Variants in IGF1 observed in about 807,000 individuals in gnomAD.
IGF1 encodes the protein insulin-like growth factor 1.
A neutral mutation model predicts 13.8 loss-of-function variants in IGF1; 4 were observed. The observed-to-expected ratio is 0.29, with a 90% CI of 0.14 to 0.66. The LOEUF (loss-of-function observed/expected upper bound fraction) is 0.66, where lower values mean the gene tolerates loss of function less well. IGF1 is among the 30% of genes least tolerant of loss of function. The pLI is 0.78. For missense variants in IGF1, 124 were observed against 188.5 expected, an observed-to-expected ratio of 0.66 and a Z score of 2.00; for synonymous variants, 76 against 72.6, an observed-to-expected ratio of 1.05 and a Z score of -0.23.
intron 1 of IGF1, among the ~76,000 whole-genome samples, chr12:102,479,279 G>C (rs929460583): frequency 6.6e-6 from 1 of 152,192 alleles, no homozygotes. Flanking sequence ...AGGGAAAGTC[G>C]TAGTGGTGAA....
chr12:102,462,989 T>A (rs1341783014), intron 2 of IGF1: 1 of 152,136 alleles, frequency 6.6e-6, no homozygotes, highest in Non-Finnish European at 1.5e-5. Context: ...ATTGAGGGTG[T>A]CCAGCCAAAA....
In IGF1 at chr12:102,417,967, G is replaced by A. The variant is rs923250568; in HGVS notation, c.402+1542C>T. The stretch of plus-strand genomic sequence containing the variant: ...GTCTTTGGCCAACCTTTCCTTCTCT[G>A]AGACTTCGTGTTCTTGTTGGTAGAT... On this transcript the variant is annotated intron_variant, in intron 3 of 3. Transcript: ENST00000337514. 1.9e-6 allele frequency: 3 copies of A among 1,613,104 alleles called. No individual in the cohort carries two copies. The African/African-American group carries it at 4.0e-5, about 22-fold the overall frequency.
chr12:102,452,424 A>AC (rs1879045847), intron 2 of IGF1, among the ~76,000 whole-genome samples: 1 of 152,096 alleles, frequency 6.6e-6, no homozygotes, highest in South Asian at 2.1e-4. Flanking sequence ...GTGAGAATGG[A>AC]CTCATACAAA....
At chr12:102,469,592 T>G (rs1354407047) in intron 2 of IGF1, among the ~76,000 whole-genome samples, 1 of 152,216 alleles carries the variant, frequency 6.6e-6, no homozygotes, top group African/African-American at 2.4e-5. Flanking sequence ...GGTCATTACA[T>G]AGATATCTCT....
chr12:102,438,640 C>T (rs1268585158), intron 2 of IGF1, among the ~76,000 whole-genome samples: 2 of 152,114 alleles, frequency 1.3e-5, no homozygotes, highest in Non-Finnish European at 2.9e-5. Context: ...CTTCTTTTAT[C>T]TCTTCTTTCA....
chr12:102,452,037 C>T (rs17884646), intron 2 of IGF1, among the ~76,000 whole-genome samples: 7,953 of 151,978 alleles, frequency 0.052, 322 homozygotes, highest in Non-Finnish European at 0.081. Context: ...CCGAGGCGGG[C>T]GGATCACGAG....
chr12:102,480,907 TG>T (rs1296918069), upstream of IGF1, among the ~76,000 whole-genome samples: 1 of 152,138 alleles, frequency 6.6e-6, no homozygotes, highest in African/African-American at 2.4e-5. Context: ...TAAAGGAATA[TG>T]GGGGATGGGA....
chr12:102,405,976 C>T (rs539404829), intron 3 of IGF1, among the ~76,000 whole-genome samples: 11 of 152,312 alleles, frequency 7.2e-5, no homozygotes, highest in African/African-American at 2.6e-4. Flanking sequence ...AAAGTCTGAG[C>T]GGAGGGATTC....
chr12:102,422,297 T>G (rs1875800040), intron 2 of IGF1, among the ~76,000 whole-genome samples: 1 of 152,228 alleles, frequency 6.6e-6, no homozygotes, highest in Non-Finnish European at 1.5e-5. Flanking sequence ...TAATTACCAA[T>G]TATCTCTAGC....
chr12:102,465,318 C>T (rs180761141), intron 2 of IGF1, among the ~76,000 whole-genome samples: 1 of 152,180 alleles, frequency 6.6e-6, no homozygotes, highest in Non-Finnish European at 1.5e-5. Context: ...CCCTTCGTTT[C>T]CAAAGCACTT....
chr12:102,417,993 G>A, intron 3 of IGF1: 2 of 1,612,654 alleles, frequency 1.2e-6, no homozygotes, highest in Non-Finnish European at 1.7e-6. Flanking sequence ...GTTGGTAGAT[G>A]GGGGCTGATA....
intron 2 of IGF1, among the ~76,000 whole-genome samples, chr12:102,451,570 G>A (rs868561209): frequency 6.6e-6 from 1 of 152,218 alleles, no homozygotes; most frequent in South Asian, 2.1e-4. Flanking sequence ...ATGGGAGATC[G>A]ATGAGAAAGA....
intron 2 of IGF1, among the ~76,000 whole-genome samples, chr12:102,434,021 T>C (rs897894930): frequency 1.3e-5 from 2 of 152,194 alleles, no homozygotes; most frequent in Non-Finnish European, 2.9e-5. Flanking sequence ...ACACAGGCTC[T>C]GGAGGAGATT....
chr12:102,480,271 A>C, intron 1 of IGF1, 48 bp downstream of exon 1: 1 of 1,558,484 alleles, frequency 6.4e-7, no homozygotes, highest in South Asian at 1.1e-5. Context: ...AACAGTACAC[A>C]ATTTAAATAG....
chr12:102,410,871 AC>A (rs1416789330), intron 3 of IGF1, among the ~76,000 whole-genome samples: 6 of 152,234 alleles, frequency 3.9e-5, no homozygotes, highest in Non-Finnish European at 5.9e-5. Context: ...ACAAAATAAC[AC>A]TATGAGAAGT....
At chr12:102,467,634 C>G (rs575083565) in intron 2 of IGF1, among the ~76,000 whole-genome samples, 1 of 152,070 alleles carries the variant, frequency 6.6e-6, no homozygotes, top group Admixed American at 6.6e-5. Flanking sequence ...ATTTCCACAG[C>G]GAGGGAGCAA....
In IGF1 at chr12:102,399,673, T is replaced by C. The variant is rs1415674096; in HGVS notation, c.*2834A>G. The C allele has an allele frequency of 6.6e-6, 1 of 152,188 alleles. No individual in the cohort carries two copies. Among genetic ancestry groups the C allele is most frequent in the Admixed American group, 6.5e-5 (1 of 15,272 alleles). 9.4% of individuals were successfully genotyped at this position (152,188 alleles called of 1,614,324 possible). On this transcript the variant is annotated 3_prime_UTR_variant, in exon 4 of 4. Transcript: ENST00000337514. ...TTGGAAAAAGTTAAGAAAGATAATA[T>C]GGCAGTGCATCTTTCAGCTTTCCTC...
At chr12:102,472,053 G>A (rs548992548) in intron 2 of IGF1, among the ~76,000 whole-genome samples, 62 of 152,160 alleles carry the variant, frequency 4.1e-4, no homozygotes, top group African/African-American at 1.3e-3. Flanking sequence ...TAAGAAAATC[G>A]CTAGCTCCTT....
chr12:102,441,532 T>C (rs755200950), intron 2 of IGF1, among the ~76,000 whole-genome samples: 101 of 152,278 alleles, frequency 6.6e-4, no homozygotes, highest in Non-Finnish European at 2.6e-4. Flanking sequence ...GAGTGGGCCA[T>C]ATTTGGGAAG....
Sources: allele counts gnomAD v4.1 joint callset (sites outside exome capture counted in the v4.1 genomes callset), GRCh38; gene constraint gnomAD v4.1.1; transcripts MANE v1.5; gene names NCBI Gene and HGNC (gene_info 2026-07-23, HGNC 2026-07-21).